OTOGL: variants seen among roughly 807,000 people sequenced by gnomAD.
OTOGL encodes the protein otogelin-like protein.
OTOGL carries 285 observed loss-of-function variants against 318.5 expected under a neutral mutation model. The observed-to-expected ratio is 0.89, with a 90% CI of 0.81 to 0.99. The LOEUF is 0.99. Among genes scored for constraint, OTOGL ranks in the 50% least tolerant of loss-of-function variants. The probability of loss-of-function intolerance (pLI) is 0.00; values close to 1 mark genes in which losing one functional copy is unlikely to be tolerated. For synonymous variants in OTOGL, 987 were observed against 936.5 expected, an observed-to-expected ratio of 1.05 and a Z score of -0.99; for missense variants, 2,899 against 2,845.6, an observed-to-expected ratio of 1.02 and a Z score of -0.43.
intron 1 of OTOGL, among the ~76,000 whole-genome samples, chr12:80,140,485 T>C (rs1871862558): frequency 6.6e-6 from 1 of 152,230 alleles, no homozygotes; most frequent in African/African-American, 2.4e-5. Flanking sequence ...TCAAATGTTA[T>C]GAATTTCTTT....
rs778542090 is a variant in OTOGL, at chr12:80,377,935, TGTC to T, written c.6952_6954del (p.Arg2318del). 1.2e-6 allele frequency: 2 copies of T among 1,610,500 alleles called. No individual in the cohort carries two copies. Among genetic ancestry groups the T allele is most frequent in the African/African-American group, 1.3e-5 (1 of 74,878 alleles). On this transcript the variant is annotated inframe_deletion, in exon 59 of 59. Transcript: ENST00000547103. Reference sequence around the variant, plus strand: ...AAGTCACCTAAGATTCTGCAAGTGTTGTCGTGAAAATGGAGTACGAAACTTGTC... The same window carrying T: ...AAGTCACCTAAGATTCTGCAAGTGTTGTGAAAATGGAGTACGAAACTTGTC...
chr12:80,322,484 C>A (rs577697056), intron 34 of OTOGL, among the ~76,000 whole-genome samples: 1 of 152,134 alleles, frequency 6.6e-6, no homozygotes, highest in Non-Finnish European at 1.5e-5. Flanking sequence ...ATGCGTGAGA[C>A]GAGTAACTCA....
At chr12:80,273,325 C>T (rs565998651) in intron 24 of OTOGL, among the ~76,000 whole-genome samples, 1 of 152,170 alleles carries the variant, frequency 6.6e-6, no homozygotes, top group South Asian at 2.1e-4. Context: ...GCAAAATAGT[C>T]CAGTGTGACT....
intron 35 of OTOGL, among the ~76,000 whole-genome samples, chr12:80,324,133 A>G (rs564688664): frequency 6.6e-6 from 1 of 152,368 alleles, no homozygotes; most frequent in South Asian, 2.1e-4. Context: ...ATGTAAATAT[A>G]TAATGCAACA....
intron 19 of OTOGL, among the ~76,000 whole-genome samples, chr12:80,262,830 A>T (rs755957816): frequency 6.6e-6 from 1 of 152,200 alleles, no homozygotes; most frequent in Non-Finnish European, 1.5e-5. Flanking sequence ...TGAAAAAATT[A>T]ATGTACATGC....
chr12:80,332,009 A>G (rs1295084376), intron 37 of OTOGL, among the ~76,000 whole-genome samples: 2 of 152,198 alleles, frequency 1.3e-5, no homozygotes, highest in Non-Finnish European at 2.9e-5. Context: ...GGAAGGGACC[A>G]TGAGCCAAGT....
intron 55 of OTOGL, among the ~76,000 whole-genome samples, chr12:80,369,028 A>G (rs1050442931): frequency 2.0e-5 from 3 of 151,878 alleles, no homozygotes; most frequent in Non-Finnish European, 4.4e-5. Flanking sequence ...AAAAATATAT[A>G]TATGTATAAT....
At chr12:80,377,234 T>A in intron 58 of OTOGL, 32 bp downstream of exon 58, 1 of 1,502,076 alleles carries the variant, frequency 6.7e-7, no homozygotes, top group East Asian at 2.3e-5. Context: ...GCTACATAAA[T>A]GCACACATCT....
intron 44 of OTOGL, among the ~76,000 whole-genome samples, chr12:80,347,731 T>C (rs907189762): frequency 2.0e-5 from 3 of 152,122 alleles, no homozygotes; most frequent in African/African-American, 7.2e-5. Context: ...TAATTTACAC[T>C]CCCACCGACA....
intron 38 of OTOGL, among the ~76,000 whole-genome samples, chr12:80,335,595 A>G (rs1592721616): frequency 6.6e-6 from 1 of 152,254 alleles, no homozygotes; most frequent in Non-Finnish European, 1.5e-5. Context: ...AGTTGACATT[A>G]TGACACATGA....
chr12:80,258,115 A>C, intron 18 of OTOGL, 113 bp downstream of exon 18: 1 of 921,850 alleles, frequency 1.1e-6, no homozygotes, highest in Non-Finnish European at 1.5e-6. Flanking sequence ...TTATCCCAAG[A>C]GATTTACATG....
chr12:80,140,149 CG>C (rs1871840892), intron 1 of OTOGL, among the ~76,000 whole-genome samples: 1 of 152,148 alleles, frequency 6.6e-6, no homozygotes, highest in Non-Finnish European at 1.5e-5. Flanking sequence ...GATGACATTT[CG>C]AGTCTACCTC....
chr12:80,205,329 T>A (rs1162455401), intron 1 of OTOGL, among the ~76,000 whole-genome samples: 2 of 152,166 alleles, frequency 1.3e-5, no homozygotes, highest in African/African-American at 4.8e-5. Flanking sequence ...AGGTATCAAT[T>A]AGATATTACA....
chr12:80,189,400 T>C (rs1347791005), intron 1 of OTOGL: 28 of 983,716 alleles, frequency 2.8e-5, no homozygotes, highest in Non-Finnish European at 3.3e-5. Context: ...CTTTGACCAA[T>C]TGACCAAACA....
intron 49 of OTOGL, 73 bp downstream of exon 49, chr12:80,356,987 T>C: frequency 1.1e-6 from 1 of 890,094 alleles, no homozygotes; most frequent in Middle Eastern, 2.3e-4. Flanking sequence ...TTGATGTGAA[T>C]TTTATGAGAC....
At chr12:80,100,711 G>A (rs1351485713) in intron 1 of OTOGL, among the ~76,000 whole-genome samples, 1 of 152,036 alleles carries the variant, frequency 6.6e-6, no homozygotes, top group Non-Finnish European at 1.5e-5. Context: ...TGGTATTGGG[G>A]GTGGGAGACA....
At chr12:80,321,053 A>G (rs1887302059) in intron 34 of OTOGL, among the ~76,000 whole-genome samples, 1 of 152,072 alleles carries the variant, frequency 6.6e-6, no homozygotes, top group Non-Finnish European at 1.5e-5. Flanking sequence ...TAATGTTTAT[A>G]TCTCCTTTTT....
intron 32 of OTOGL, among the ~76,000 whole-genome samples, chr12:80,316,721 C>T (rs971379005): frequency 2.6e-5 from 4 of 152,122 alleles, no homozygotes; most frequent in Non-Finnish European, 5.9e-5. Flanking sequence ...AGCAATGCAA[C>T]AGTGATAGAC....
At chr12:80,125,048 G>T (rs1040999252) in intron 1 of OTOGL, among the ~76,000 whole-genome samples, 2 of 152,128 alleles carry the variant, frequency 1.3e-5, no homozygotes, top group African/African-American at 2.4e-5. Flanking sequence ...CCTGCCTAAT[G>T]GCCCTGGCCA....
Sources: allele counts gnomAD v4.1 joint callset (sites outside exome capture counted in the v4.1 genomes callset), GRCh38; gene constraint gnomAD v4.1.1; transcripts MANE v1.5; gene names NCBI Gene and HGNC (gene_info 2026-07-23, HGNC 2026-07-21).